Variants in RBFOX1 observed in about 807,000 individuals in gnomAD.
RBFOX1 encodes RNA binding fox-1 homolog 1.
RBFOX1 carries 8 observed loss-of-function variants against 57.7 expected under a neutral mutation model. That is an observed-to-expected ratio of 0.14 (90% confidence interval 0.08 to 0.25). The LOEUF (loss-of-function observed/expected upper bound fraction) is 0.25. Among genes scored for constraint, RBFOX1 ranks in the 10% least tolerant of loss-of-function variants. RBFOX1 has a pLI of 1.00. For missense variants in RBFOX1, 611 were observed against 548.5 expected (o/e 1.11, Z -1.14); for synonymous variants, 326 against 222.4 (o/e 1.47, Z -4.15).
intron 3 of RBFOX1, among the ~76,000 whole-genome samples, chr16:6,828,344 T>G (rs947661461): frequency 2.0e-5 from 3 of 151,910 alleles, no homozygotes; most frequent in Admixed American, 6.6e-5. Flanking sequence ...GCCAACATGA[T>G]GAAACCCCAT....
intron 3 of RBFOX1, among the ~76,000 whole-genome samples, chr16:6,690,956 G>C (rs2060125614): frequency 6.6e-6 from 1 of 151,862 alleles, no homozygotes; most frequent in Non-Finnish European, 1.5e-5. Flanking sequence ...AGGTTGGCTG[G>C]GCATCATCAG....
intron 1 of RBFOX1, among the ~76,000 whole-genome samples, chr16:5,343,434 C>A (rs2065075642): frequency 6.6e-6 from 1 of 151,630 alleles, no homozygotes; most frequent in South Asian, 2.1e-4. Context: ...CCTGCCTCAG[C>A]CTCTTGAGTA....
At chr16:5,867,989 G>C (rs528481065) in intron 4 of RBFOX1, among the ~76,000 whole-genome samples, 18 of 152,234 alleles carry the variant, frequency 1.2e-4, no homozygotes, top group African/African-American at 4.1e-4. Context: ...AGGGATTATA[G>C]GTGTGAGCCA....
intron 2 of RBFOX1, among the ~76,000 whole-genome samples, chr16:5,497,194 G>A (rs927958061): frequency 2.6e-5 from 4 of 152,074 alleles, no homozygotes; most frequent in African/African-American, 9.7e-5. Context: ...CGGGGTTGGT[G>A]AATTTAGATC....
At chr16:6,273,288 A>G (rs1343481262) in intron 1 of RBFOX1, among the ~76,000 whole-genome samples, 1 of 151,626 alleles carries the variant, frequency 6.6e-6, no homozygotes, top group Non-Finnish European at 1.5e-5. Flanking sequence ...CAAAGCAAAG[A>G]AAACAGAAAA....
At chr16:7,207,249 TG>T (rs2090180949) in intron 4 of RBFOX1, among the ~76,000 whole-genome samples, 1 of 152,176 alleles carries the variant, frequency 6.6e-6, no homozygotes, top group Non-Finnish European at 1.5e-5. Flanking sequence ...CCGGGCGTTA[TG>T]GGGGTTCCTC....
chr16:7,199,105 G>A (rs768132151), intron 4 of RBFOX1, among the ~76,000 whole-genome samples: 4 of 152,178 alleles, frequency 2.6e-5, no homozygotes, highest in Non-Finnish European at 5.9e-5. Context: ...GAAGAACACA[G>A]GCTGCAGAGG....
intron 2 of RBFOX1, among the ~76,000 whole-genome samples, chr16:5,576,102 G>T (rs145119757): frequency 1.3e-5 from 2 of 152,090 alleles, no homozygotes; most frequent in African/African-American, 4.8e-5. Flanking sequence ...TTCTGCCTCT[G>T]CCTCCAGAGA....
At chr16:5,836,797 C>G (rs1378015758) in intron 3 of RBFOX1, among the ~76,000 whole-genome samples, 2 of 152,168 alleles carry the variant, frequency 1.3e-5, no homozygotes, top group Non-Finnish European at 2.9e-5. Context: ...CTGACATTGC[C>G]AAAAGTTGCC....
At chr16:6,793,256 G>C (rs1356838857) in intron 3 of RBFOX1, among the ~76,000 whole-genome samples, 1 of 152,124 alleles carries the variant, frequency 6.6e-6, no homozygotes, top group Non-Finnish European at 1.5e-5. Context: ...AGACCGATTG[G>C]AGGAGAAATG....
At chr16:6,042,456 G>A (rs566580788) in intron 1 of RBFOX1, among the ~76,000 whole-genome samples, 178 of 152,174 alleles carry the variant, frequency 1.2e-3, no homozygotes, top group Middle Eastern at 3.4e-3. Context: ...CAGATAGTTC[G>A]GAATCATCTC....
intron 3 of RBFOX1, among the ~76,000 whole-genome samples, chr16:6,961,206 G>A (rs146515821): frequency 7.0e-6 from 1 of 143,288 alleles, no homozygotes; most frequent in Non-Finnish European, 1.5e-5. Context: ...TAAATGCATG[G>A]GATAGTAAGC....
chr16:6,141,099 C>G (rs1022202535), intron 1 of RBFOX1, among the ~76,000 whole-genome samples: 8 of 152,222 alleles, frequency 5.3e-5, no homozygotes, highest in African/African-American at 1.9e-4. Context: ...TGTCTTCTCT[C>G]TCAGGCACAG....
chr16:6,792,958 G>T (rs933226454), intron 3 of RBFOX1, among the ~76,000 whole-genome samples: 2 of 151,882 alleles, frequency 1.3e-5, no homozygotes, highest in African/African-American at 4.8e-5. Flanking sequence ...GAACCCGTGA[G>T]GCAGAGGTTG....
At chr16:6,479,992 G>A (rs1229304365) in intron 2 of RBFOX1, among the ~76,000 whole-genome samples, 3 of 150,486 alleles carry the variant, frequency 2.0e-5, no homozygotes, top group Non-Finnish European at 4.4e-5. Flanking sequence ...AGAGGTTGCA[G>A]TGAGCTGAGA....
At chr16:7,400,897 A>G (rs1006957395) in intron 4 of RBFOX1, among the ~76,000 whole-genome samples, 3 of 152,216 alleles carry the variant, frequency 2.0e-5, no homozygotes, top group African/African-American at 7.2e-5. Flanking sequence ...GCGGTTGATG[A>G]TCTTTGCAAC....
At chr16:7,503,910 A>G (rs866598541) in intron 4 of RBFOX1, among the ~76,000 whole-genome samples, 14 of 152,226 alleles carry the variant, frequency 9.2e-5, no homozygotes, top group Middle Eastern at 6.8e-3. Context: ...GTTGGTATTG[A>G]TAGCCAAGTA....
At chr16:6,645,558 G>A (rs771088439) in intron 2 of RBFOX1, among the ~76,000 whole-genome samples, 1 of 152,126 alleles carries the variant, frequency 6.6e-6, no homozygotes, top group Non-Finnish European at 1.5e-5. Flanking sequence ...AAGTGTAGAA[G>A]AAAAGAAGTC....
chr16:6,039,440 T>G (rs2095412326), intron 1 of RBFOX1, among the ~76,000 whole-genome samples: 1 of 152,082 alleles, frequency 6.6e-6, no homozygotes, highest in South Asian at 2.1e-4. Flanking sequence ...CATATTTCCC[T>G]GCGTTAGCAC....
Sources: gnomAD v4.1 joint callset for allele counts (sites outside exome capture counted in the v4.1 genomes callset) on GRCh38, gnomAD v4.1.1 for gene constraint, MANE v1.5 for transcripts, NCBI Gene and HGNC (gene_info 2026-07-23, HGNC 2026-07-21) for gene names.